The following VPS13C variants were observed in gnomAD, a reference collection of about 807,000 sequenced individuals.
VPS13C encodes vacuolar protein sorting 13 homolog C.
A neutral mutation model predicts 456.8 loss-of-function variants in VPS13C; 358 were observed. The ratio of observed to expected loss-of-function variants is 0.78; its 90% CI spans 0.72 to 0.86. The LOEUF (loss-of-function observed/expected upper bound fraction) is 0.86. Ranked by LOEUF, VPS13C falls within the 40% of genes least tolerant of loss-of-function variation. VPS13C has a pLI of 0.00. For missense variants in VPS13C, 4,818 were observed against 4,385.4 expected (o/e 1.10, Z -2.79); for synonymous variants, 1,578 against 1,486.7 (o/e 1.06, Z -1.41).
Position 61,927,299 on chromosome 15 carries a change from A to T in VPS13C, c.6308T>A (p.Met2103Lys), listed in dbSNP as rs758376765. The T allele has an allele frequency of 4.3e-6, 7 of 1,614,026 alleles. No homozygotes were observed. Among genetic ancestry groups the T allele is most frequent in the Non-Finnish European group, 5.9e-6 (7 of 1,179,996 alleles). The change falls in exon 52 of 85, where the codon ATG (methionine) becomes AAG (lysine). Residue 2103 changes from methionine (M) to lysine (K), a missense_variant. Physicochemically the swap from Met to Lys is moderately conservative, Grantham distance 95 (BLOSUM62 -1). Coordinates refer to ENST00000644861, the MANE Select transcript of VPS13C (RefSeq NM_020821.3). The stretch of plus-strand genomic sequence containing the variant: ...ATCTGTGATCATGGCCTTTAAAGTC[A>T]TATTTGGTCTAACAGAGTCATCTGA... ...IEKDDSVRPNMTLKAMITDPE... is the reference protein window; with the variant it reads ...IEKDDSVRPNKTLKAMITDPE...
At chr15:62,025,575 C>T (rs2047610079) in intron 6 of VPS13C, among the ~76,000 whole-genome samples, 2 of 152,054 alleles carry the variant, frequency 1.3e-5, no homozygotes, top group Non-Finnish European at 2.9e-5. Flanking sequence ...CTTACCTGAC[C>T]AATTATCTTT....
chr15:61,972,877 T>C (rs1362433259), intron 26 of VPS13C, 113 bp from the exon 27 acceptor site: 8 of 1,177,994 alleles, frequency 6.8e-6, no homozygotes, highest in Admixed American at 2.5e-5. Flanking sequence ...ATAATCTTCA[T>C]ATTCAGCATC....
intron 18 of VPS13C, among the ~76,000 whole-genome samples, chr15:61,988,066 GAC>G (rs1196285188): frequency 6.6e-6 from 1 of 152,110 alleles, no homozygotes; most frequent in Admixed American, 6.5e-5. Flanking sequence ...ACAATCTACA[GAC>G]ACATACTCAA....
intron 8 of VPS13C, among the ~76,000 whole-genome samples, chr15:62,022,070 T>G (rs146800812): frequency 3.3e-5 from 5 of 152,006 alleles, no homozygotes; most frequent in African/African-American, 9.6e-5. Flanking sequence ...ATCTTCTCTA[T>G]AGTGAATAGT....
chr15:61,881,570 G>A lies in VPS13C; in HGVS notation c.9769C>T (p.Gln3257Ter), dbSNP rs1229922592. ...TRFNEYSKVL[Q>*]FKYFMVLIQE... ...GCAGGAATCTTCACTTACTTGAACTGTAAGACTTTACTGTACTCATTAAAT... is the reference window on the plus strand; with the variant it reads ...GCAGGAATCTTCACTTACTTGAACTATAAGACTTTACTGTACTCATTAAAT... Residue 3257 changes from glutamine to a stop codon, truncating the protein, a stop_gained, in exon 71 of 85, where the codon CAG becomes TAG. Coordinates refer to ENST00000644861, the MANE Select transcript of VPS13C (RefSeq NM_020821.3). LOFTEE classifies it high-confidence loss of function. 3.1e-6 allele frequency: 5 copies of A among 1,606,698 alleles called. No homozygotes were observed. The highest frequency in any genetic ancestry group is 4.2e-6 in the Non-Finnish European group (5 of 1,177,386).
Position 62,012,095 on chromosome 15 carries a change from A to T in VPS13C, c.883+12T>A. 2.1e-6 allele frequency: 3 copies of T among 1,427,168 alleles called. No homozygotes were observed. The highest frequency in any genetic ancestry group is 1.4e-5 in the African/African-American group (1 of 70,440). 88.4% of individuals were successfully genotyped at this position (1,427,168 alleles called of 1,614,324 possible). ...TTCCTATAACATGAAATAAACTTTT[A>T]CTATTACTTACTGTATTGATAATTT... On this transcript the variant is annotated intron_variant, in intron 12 of 84. Transcript: ENST00000644861.
At chr15:61,891,142 C>A (rs956926474) in intron 66 of VPS13C, among the ~76,000 whole-genome samples, 1 of 152,128 alleles carries the variant, frequency 6.6e-6, no homozygotes, top group African/African-American at 2.4e-5. Flanking sequence ...TTATGTAAAT[C>A]ACACTGGTGA....
At chr15:61,932,781 T>C (rs2044104754) in intron 49 of VPS13C, among the ~76,000 whole-genome samples, 1 of 152,210 alleles carries the variant, frequency 6.6e-6, no homozygotes. Context: ...CAAACTTTTA[T>C]TCTGTAATCA....
At chr15:62,034,214 C>G (rs1227220160) in intron 4 of VPS13C, among the ~76,000 whole-genome samples, 1 of 151,560 alleles carries the variant, frequency 6.6e-6, no homozygotes, top group Non-Finnish European at 1.5e-5. Context: ...ACTGTGAAAA[C>G]TGTGAAACCT....
At chr15:61,907,010 T>C in intron 66 of VPS13C, 1 of 374,304 alleles carries the variant, frequency 2.7e-6, no homozygotes. Flanking sequence ...GGTAAATTAA[T>C]TAAAAAGGTG....
chr15:61,978,462 A>C (rs559892649), intron 23 of VPS13C, among the ~76,000 whole-genome samples, 164 bp downstream of exon 23: 1 of 152,322 alleles, frequency 6.6e-6, no homozygotes, highest in East Asian at 1.9e-4. Flanking sequence ...TAAATGTTGT[A>C]GTAATTTACA....
intron 16 of VPS13C, among the ~76,000 whole-genome samples, chr15:61,996,063 G>A (rs938488330): frequency 2.0e-5 from 3 of 152,170 alleles, no homozygotes; most frequent in African/African-American, 7.2e-5. Flanking sequence ...GAATGTATGT[G>A]AGAAAACCCT....
In VPS13C at chr15:61,997,330, T is replaced by C. The variant is rs530780085; in HGVS notation, c.1353+3234A>G. ...TTTCCCATCCCTCTGATTGTAACAA[T>C]AGAAGCTTTGGATCTTTGCAACTCT... On this transcript the variant is annotated intron_variant, in intron 16 of 84. Transcript: ENST00000644861. Among the ~76,000 whole-genome samples, 33 of 152,300 alleles carry C rather than the reference T, an allele frequency of 2.2e-4. No individual in the cohort carries two copies. The South Asian group carries it at 6.0e-3, about 28-fold the overall frequency.
chr15:61,977,739 A>T (rs35633657), intron 23 of VPS13C, among the ~76,000 whole-genome samples: 9,220 of 152,084 alleles, frequency 0.061, 382 homozygotes, highest in Non-Finnish European at 0.091. Context: ...CAACTAATAG[A>T]GTTCTATGTT....
chr15:61,922,670 T>TTCCTTAGAC lies in VPS13C; in HGVS notation c.6693_6701dup (p.Ser2232_Glu2234dup). On this transcript the variant is annotated inframe_insertion, in exon 54 of 85. Transcript: ENST00000644861. ...ATTTGATACCCCAAAGATTTTCCAT[T>TTCCTTAGAC]TCCTTAGACGTATCTTTGGATCCAT... 1.2e-6 allele frequency: 2 copies of TTCCTTAGAC among 1,614,052 alleles called. No homozygotes were observed. The highest frequency in any genetic ancestry group is 2.7e-5 in the African/African-American group (2 of 75,028).
At chr15:61,917,781 A>C in intron 59 of VPS13C, 146 bp from the exon 60 acceptor site, 1 of 975,544 alleles carries the variant, frequency 1.0e-6, no homozygotes, top group Non-Finnish European at 1.4e-6. Context: ...AGGGCTAAAA[A>C]AAAGGTTAGG....
At position 61,981,388 on chromosome 15, in the gene VPS13C, T is replaced by C. The variant is rs2045881436; in HGVS notation, c.2120A>G (p.His707Arg). 6.2e-7 allele frequency: 1 copy of C among 1,612,454 alleles called. No homozygotes were observed. ...AATCAGAAGATCTGACTTTTCATGG[T>C]GGAAACCCGTCTGTGGAACTACTAG... ...SYLVVPQTGF[H>R]HEKSDLLILD... The change falls in exon 22 of 85, where the codon CAC becomes CGC. Residue 707 changes from histidine (H) to arginine (R), a missense_variant. This residue lies in a region of VPS13C where 4,552 missense variants were observed against 4,130.6 expected (regional missense o/e 1.10). Coordinates refer to ENST00000644861, the MANE Select transcript of VPS13C (RefSeq NM_020821.3).
At chr15:62,018,753 T>C (rs557456247) in intron 9 of VPS13C, among the ~76,000 whole-genome samples, 1 of 152,228 alleles carries the variant, frequency 6.6e-6, no homozygotes, top group Admixed American at 6.5e-5. Context: ...ATTCTCTTTT[T>C]TGGTTGTGTC....
At chr15:62,028,909 T>C in intron 5 of VPS13C, among the ~76,000 whole-genome samples, 1 of 152,136 alleles carries the variant, frequency 6.6e-6, no homozygotes, top group South Asian at 2.1e-4. Context: ...TCATTAATGA[T>C]GGCTACATAG....
Sources: allele counts gnomAD v4.1 joint callset (sites outside exome capture counted in the v4.1 genomes callset), GRCh38; gene constraint gnomAD v4.1.1; regional missense constraint gnomAD v4.1.1; transcripts MANE v1.5; gene names NCBI Gene and HGNC (gene_info 2026-07-23, HGNC 2026-07-21).